CLASP1: variants seen among roughly 807,000 people sequenced by gnomAD.
The protein encoded by CLASP1 is cytoplasmic linker associated protein 1.
Under a neutral mutation model 192.3 loss-of-function variants are expected in CLASP1, and 38 were observed. The observed-to-expected ratio is 0.20, with a 90% CI of 0.15 to 0.26. The LOEUF is 0.26. Ranked by LOEUF, CLASP1 falls within the 10% of genes least tolerant of loss-of-function variation. CLASP1 has a pLI of 1.00. For missense variants in CLASP1, 1,433 were observed against 1,932.5 expected (o/e 0.74, Z 4.85); for synonymous variants, 691 against 712.8 (o/e 0.97, Z 0.49).
chr2:121,610,162 G>A (rs1433239618), intron 1 of CLASP1, among the ~76,000 whole-genome samples: 1 of 152,192 alleles, frequency 6.6e-6, no homozygotes, highest in Non-Finnish European at 1.5e-5. Flanking sequence ...AAAGGATGAC[G>A]TGGAGGAGTG....
At chr2:121,604,177 G>C (rs2064137459) in intron 2 of CLASP1, among the ~76,000 whole-genome samples, 1 of 152,172 alleles carries the variant, frequency 6.6e-6, no homozygotes, top group African/African-American at 2.4e-5. Context: ...TATCCCATGA[G>C]TATGTAAAAT....
chr2:121,415,939 T>A (rs939042402), intron 23 of CLASP1, among the ~76,000 whole-genome samples: 2 of 152,112 alleles, frequency 1.3e-5, no homozygotes, highest in Admixed American at 1.3e-4. Context: ...AAGGAAAATA[T>A]CCCTTTCTCA....
chr2:121,354,548 T>A (rs995381209), intron 37 of CLASP1, among the ~76,000 whole-genome samples: 2 of 152,204 alleles, frequency 1.3e-5, no homozygotes, highest in Non-Finnish European at 2.9e-5. Context: ...CTCTCTTATC[T>A]AATCTGGCCT....
intron 30 of CLASP1, chr2:121,388,123 G>C: frequency 2.3e-6 from 1 of 440,122 alleles, no homozygotes; most frequent in Admixed American, 3.9e-5. Flanking sequence ...ATGCCCTCTG[G>C]CCTTGGAATT....
intron 34 of CLASP1, among the ~76,000 whole-genome samples, chr2:121,376,587 G>A (rs1214112063): frequency 3.3e-5 from 5 of 152,242 alleles, no homozygotes; most frequent in African/African-American, 1.2e-4. Context: ...AGCTAGGTAA[G>A]AGGAATAAGT....
chr2:121,605,849 T>A (rs999680162), exon 2 of CLASP1: 2 of 1,613,982 alleles, frequency 1.2e-6, no homozygotes, highest in Non-Finnish European at 1.7e-6. Flanking sequence ...TTTCCCCACA[T>A]CCTTCTGCAA....
chr2:121,440,033 T>C (rs1029268066), intron 19 of CLASP1, among the ~76,000 whole-genome samples: 1 of 147,708 alleles, frequency 6.8e-6, no homozygotes, highest in Non-Finnish European at 1.5e-5. Context: ...CGTATACATA[T>C]GTAACTAACC....
chr2:121,483,456 A>ATG lies in CLASP1; in HGVS notation c.713-13498_713-13497dup, dbSNP rs148262773. Reference sequence around the variant, plus strand: ...AGAAAGAGGGAGAATATGAATGAATATGTGTGTGTGTGTGTATATATGTAT... The same window carrying ATG: ...AGAAAGAGGGAGAATATGAATGAATATGTGTGTGTGTGTGTGTATATATGTAT... On this transcript the variant is annotated intron_variant, in intron 8 of 39. Transcript: ENST00000263710. Among the ~76,000 whole-genome samples the ATG allele has an allele frequency of 3.5e-3, 530 of 150,974 alleles. 3 individuals carry two copies. The highest frequency in any genetic ancestry group is 0.011 in the African/African-American group (449 of 41,138).
chr2:121,561,771 GATGGTGCAAGT>G (rs1314425298), intron 2 of CLASP1, among the ~76,000 whole-genome samples: 1 of 152,216 alleles, frequency 6.6e-6, no homozygotes, highest in Non-Finnish European at 1.5e-5. Context: ...CTAAATAAAG[GATGGTGCAAGT>G]ATTTAAAGGG....
chr2:121,636,374 T>TAATAATAATAAA (rs1392087487), intron 1 of CLASP1, among the ~76,000 whole-genome samples: 221 of 142,392 alleles, frequency 1.6e-3, no homozygotes, highest in African/African-American at 4.3e-3. Context: ...ATAATAATAA[T>TAATAATAATAAA]AAATTTTAGG....
At chr2:121,405,563 C>T (rs1372965144) in intron 25 of CLASP1, among the ~76,000 whole-genome samples, 1 of 152,200 alleles carries the variant, frequency 6.6e-6, no homozygotes. Flanking sequence ...CACAAATCAT[C>T]CCTGATTAAT....
At chr2:121,363,927 AT>A (rs1412170178) in intron 36 of CLASP1, among the ~76,000 whole-genome samples, 1 of 152,148 alleles carries the variant, frequency 6.6e-6, no homozygotes, top group Non-Finnish European at 1.5e-5. Context: ...CAGAAAGTAC[AT>A]CCTGATTCTT....
In CLASP1 at chr2:121,348,565, C is replaced by T. The variant is rs750670500; in HGVS notation, c.4360G>A (p.Ala1454Thr). 40 of 1,613,286 alleles carry T rather than the reference C, an allele frequency of 2.5e-5. 1 individual carries two copies. The highest frequency in any genetic ancestry group is 1.6e-4 in the Middle Eastern group (1 of 6,062). The change falls in exon 38 of 40, where the codon GCA becomes ACA. Residue 1454 changes from alanine (A) to threonine (T), a missense_variant. Transcript: ENST00000263710. Reference sequence around the variant, plus strand: ...AGGAGCTGCAGCAATGACTCCTTTGCGATCCTCTCGACGACTTTGGTCTGC... The same window carrying T: ...AGGAGCTGCAGCAATGACTCCTTTGTGATCCTCTCGACGACTTTGGTCTGC...
chr2:121,614,863 G>A (rs72972771), intron 1 of CLASP1, among the ~76,000 whole-genome samples: 5,820 of 152,272 alleles, frequency 0.038, 160 homozygotes, highest in East Asian at 0.14. Context: ...ACACAAACAC[G>A]AGATGTATAA....
At chr2:121,366,305 C>A (rs746242424) in intron 35 of CLASP1, among the ~76,000 whole-genome samples, 2 of 152,224 alleles carry the variant, frequency 1.3e-5, no homozygotes, top group African/African-American at 2.4e-5. Flanking sequence ...AAACACTATA[C>A]CCTAATAGCT....
At chr2:121,431,116 C>G (rs1013763737) in intron 19 of CLASP1, among the ~76,000 whole-genome samples, 16 of 152,142 alleles carry the variant, frequency 1.1e-4, no homozygotes, top group African/African-American at 3.4e-4. Context: ...CTTCTACCCC[C>G]ACAAGCGACA....
At chr2:121,408,497 A>G (rs1418793313) in intron 24 of CLASP1, among the ~76,000 whole-genome samples, 1 of 152,242 alleles carries the variant, frequency 6.6e-6, no homozygotes, top group African/African-American at 2.4e-5. Context: ...AAAATTGATA[A>G]AAACAAAACA....
At chr2:121,561,093 G>C (rs2059041702) in intron 2 of CLASP1, among the ~76,000 whole-genome samples, 1 of 152,182 alleles carries the variant, frequency 6.6e-6, no homozygotes, top group African/African-American at 2.4e-5. Flanking sequence ...TTTTAGCAGA[G>C]ACAGGGTTTT....
chr2:121,417,231 C>T (rs1236971865), intron 23 of CLASP1, among the ~76,000 whole-genome samples: 1 of 152,140 alleles, frequency 6.6e-6, no homozygotes, highest in African/African-American at 2.4e-5. Context: ...TTCAGCACAC[C>T]TTGCCTGCTC....
Sources: allele counts gnomAD v4.1 joint callset (sites outside exome capture counted in the v4.1 genomes callset), GRCh38; gene constraint gnomAD v4.1.1; transcripts MANE v1.5; gene names NCBI Gene and HGNC (gene_info 2026-07-23, HGNC 2026-07-21).